Variants in ERCC5 observed in about 807,000 individuals in gnomAD.
The protein encoded by ERCC5 is DNA excision repair protein ERCC-5.
In ERCC5, 68 loss-of-function variants were observed where a neutral mutation model predicts 105.6. That is an observed-to-expected ratio of 0.64 (90% CI 0.53 to 0.79). ERCC5 has a LOEUF of 0.79. Ranked by LOEUF, ERCC5 falls within the 30% of genes least tolerant of loss-of-function variation. The pLI, the probability that ERCC5 is intolerant of heterozygous loss-of-function variation, is 0.00. For missense variants in ERCC5, 1,373 were observed against 1,426.7 expected, an observed-to-expected ratio of 0.96 and a Z score of 0.61; for synonymous variants, 546 against 526.2, an observed-to-expected ratio of 1.04 and a Z score of -0.51.
intron 6 of ERCC5, 96 bp downstream of exon 6, chr13:102,858,514 G>C (rs1031417172): frequency 6.5e-7 from 1 of 1,533,316 alleles, no homozygotes; most frequent in African/African-American, 1.4e-5. Flanking sequence ...ATACTTACAC[G>C]ATATCTCAGT....
In ERCC5 at chr13:102,861,606, C is replaced by T. The variant is rs143523137; in HGVS notation, c.772C>T (p.His258Tyr). Residue 258 changes from histidine to tyrosine, a missense_variant, in exon 7 of 15, where the codon CAT (histidine) becomes TAT (tyrosine). This residue lies in a region of ERCC5 where 1,004 missense variants were observed against 1,059.7 expected (regional missense o/e 0.95). Transcript: ENST00000652225. The stretch of plus-strand genomic sequence containing the variant: ...TGTCCAAAAGGAAATGAATCAGCAA[C>T]ATTCAGGACACATCCGAAGGCAGTA... ...EHVQKEMNQQ[H>Y]SGHIRRQYED... The T allele has an allele frequency of 2.5e-6, 4 of 1,614,128 alleles. No individual in the cohort carries two copies. The highest frequency in any genetic ancestry group is 3.4e-6 in the Non-Finnish European group (4 of 1,180,008).
intron 1 of ERCC5, 36 bp downstream of exon 1, chr13:102,846,390 G>A: frequency 6.3e-7 from 1 of 1,578,478 alleles, no homozygotes; most frequent in South Asian, 1.1e-5. Context: ...TGGGGTGCAG[G>A]GATTCGGGGC....
chr13:102,871,523 A>G (rs1883033745), intron 12 of ERCC5, among the ~76,000 whole-genome samples: 1 of 152,158 alleles, frequency 6.6e-6, no homozygotes, highest in African/African-American at 2.4e-5. Flanking sequence ...TACTTTTCTC[A>G]TATATGTGTT....
chr13:102,872,253 A>T lies in ERCC5; in HGVS notation c.2734A>T (p.Thr912Ser). The T allele has an allele frequency of 6.2e-7, 1 of 1,613,906 alleles. No individual in the cohort carries two copies. Among genetic ancestry groups the T allele is most frequent in the South Asian group, 1.1e-5 (1 of 91,044 alleles). ...AAAGATAAGACCTAATCCTCATGACACCAAAGTGAAAAAAAAATTACGGAC... is the reference window on the plus strand; with the variant it reads ...AAAGATAAGACCTAATCCTCATGACTCCAAAGTGAAAAAAAAATTACGGAC... The part of the protein sequence containing the change: ...NPKIRPNPHD[T>S]KVKKKLRTLQ... The change falls in exon 13 of 15, where the codon ACC becomes TCC. Residue 912 changes from threonine (T) to serine (S), a missense_variant. Physicochemically the swap from Thr to Ser is moderately conservative, Grantham distance 58. Transcript: ENST00000652225.
chr13:102,853,256 G>T (rs1200932421), intron 2 of ERCC5, among the ~76,000 whole-genome samples: 1 of 152,152 alleles, frequency 6.6e-6, no homozygotes, highest in African/African-American at 2.4e-5. Flanking sequence ...TCAGCCATAA[G>T]CACAGGGACT....
At position 102,862,468 on chromosome 13, in the gene ERCC5, T is replaced by C. The variant is rs1882668111; in HGVS notation, c.1319T>C (p.Ile440Thr). 1 of 1,613,662 alleles carries C rather than the reference T, an allele frequency of 6.2e-7. No homozygotes were observed. Among genetic ancestry groups the C allele is most frequent in the Non-Finnish European group, 8.5e-7 (1 of 1,179,992 alleles). The change falls in exon 8 of 15, where the codon ATA becomes ACA. Residue 440 changes from isoleucine (I) to threonine (T), a missense_variant. Ile to Thr is a moderately conservative substitution (Grantham distance 89). Around this residue, in one of 3 missense-constraint regions of ERCC5, gnomAD observed 1,004 missense variants for 1,059.7 expected, o/e 0.95. Coordinates refer to ENST00000652225, the MANE Select transcript of ERCC5 (RefSeq NM_000123.4). Reference protein sequence around the residue: ...EGLKVRDGKGIPFTATLASSS... With the variant: ...EGLKVRDGKGTPFTATLASSS... ...CTTAAAGTGAGAGATGGAAAAGGAA[T>C]ACCGTTTACTGCAACACTTGCGTCA...
chr13:102,860,320 A>G (rs912080244), intron 6 of ERCC5, among the ~76,000 whole-genome samples: 1 of 152,234 alleles, frequency 6.6e-6, no homozygotes, highest in Non-Finnish European at 1.5e-5. Context: ...TATCTGTGAT[A>G]TTGTGAAGAA....
At chr13:102,858,449 G>C in intron 6 of ERCC5, 31 bp downstream of exon 6, 1 of 1,613,850 alleles carries the variant, frequency 6.2e-7, no homozygotes, top group Non-Finnish European at 8.5e-7. Flanking sequence ...TTCATGCTTA[G>C]AATTAAGAAC....
chr13:102,862,973 T>C lies in ERCC5; in HGVS notation c.1824T>C (p.Ala608=), dbSNP rs972461002. Residue 608 remains alanine (A), a synonymous_variant, in exon 8 of 15, where the codon GCT becomes GCC. Transcript: ENST00000652225. The part of the protein sequence containing the change: ...DNVENVVSFN[A]KEHENFLETI... ...TGGAAAATGTGGTGTCATTTAATGC[T>C]AAAGAGCATGAGAATTTTCTGGAAA... is the stretch of plus-strand genomic sequence containing the variant. 24 of 1,614,118 alleles carry C rather than the reference T, an allele frequency of 1.5e-5. No individual in the cohort carries two copies. The highest frequency in any genetic ancestry group is 1.9e-5 in the Non-Finnish European group (23 of 1,180,052).
intron 4 of ERCC5, among the ~76,000 whole-genome samples, chr13:102,855,802 A>C (rs1213555020): frequency 6.6e-6 from 1 of 152,116 alleles, no homozygotes; most frequent in Non-Finnish European, 1.5e-5. Flanking sequence ...TGTGACTCCT[A>C]AATTGGGTGA....
chr13:102,872,142 T>C (rs543796485), intron 12 of ERCC5, 56 bp from the exon 13 acceptor site: 2 of 1,579,418 alleles, frequency 1.3e-6, no homozygotes, highest in Admixed American at 1.8e-5. Context: ...TCATCCATAG[T>C]GTATGAACTA....
intron 9 of ERCC5, 95 bp from the exon 10 acceptor site, chr13:102,866,167 A>G: frequency 1.3e-6 from 2 of 1,569,546 alleles, no homozygotes; most frequent in Non-Finnish European, 1.7e-6. Flanking sequence ...GAAAGAGCTT[A>G]TTGGTAATTT....
chr13:102,863,147 C>T (rs1395731661), intron 8 of ERCC5, 44 bp downstream of exon 8: 2 of 1,595,380 alleles, frequency 1.3e-6, no homozygotes, highest in Admixed American at 3.4e-5. Flanking sequence ...GGTAGGATTT[C>T]CCCTCTGTAG....
At chr13:102,849,332 T>A (rs777565896) in intron 1 of ERCC5, 44 of 519,008 alleles carry the variant, frequency 8.5e-5, no homozygotes, top group South Asian at 5.7e-4. Flanking sequence ...TAAATCATGT[T>A]CTAGAAACTT....
chr13:102,863,982 A>G (rs1314010237), intron 8 of ERCC5, among the ~76,000 whole-genome samples: 1 of 152,170 alleles, frequency 6.6e-6, no homozygotes, highest in African/African-American at 2.4e-5. Context: ...AAGATAATAT[A>G]TATGAAATGT....
chr13:102,875,566 T>A lies in ERCC5; in HGVS notation c.3224T>A (p.Leu1075His). 6.2e-7 allele frequency: 1 copy of A among 1,612,768 alleles called. No individual in the cohort carries two copies. The highest frequency in any genetic ancestry group is 8.5e-7 in the Non-Finnish European group (1 of 1,179,510). The change falls in exon 15 of 15, where the codon CTT (leucine) becomes CAT (histidine). Residue 1075 changes from leucine to histidine, a missense_variant. Leu to His is a moderately conservative substitution (Grantham distance 99). Transcript: ENST00000652225. ...TCATCAAGCCTGAAAAGAAAGAGGC[T>A]TTCAGATTCTAAAGGAAAGAATACA... ...EESSSLKRKR[L>H]SDSKGKNTCG... is the part of the protein sequence containing the mutation.
In ERCC5 at chr13:102,872,402, T is replaced by A; in HGVS notation, c.2879+4T>A. On this transcript the variant is annotated splice_donor_region_variant and intron_variant, in intron 13 of 14. Coordinates refer to ENST00000652225, the MANE Select transcript of ERCC5 (RefSeq NM_000123.4). ...CTGATCTCGACAAAATTAGAGAATATCCTTTGCTTCTTAAAAGAGAAGGAA... is the reference window on the plus strand; with the variant it reads ...CTGATCTCGACAAAATTAGAGAATAACCTTTGCTTCTTAAAAGAGAAGGAA... The A allele has an allele frequency of 1.9e-6, 3 of 1,614,168 alleles. No individual in the cohort carries two copies. The highest frequency in any genetic ancestry group is 1.7e-6 in the Non-Finnish European group (2 of 1,180,010).
At chr13:102,861,397 T>C (rs1226075030) in intron 6 of ERCC5, 110 bp from the exon 7 acceptor site, 1 of 1,196,598 alleles carries the variant, frequency 8.4e-7, no homozygotes, top group Admixed American at 2.2e-5. Context: ...CTACCATCAA[T>C]GAAAAAAGCC....
rs145649742 is a variant in ERCC5, at chr13:102,875,771, G to A, written c.3429G>A (p.Ala1143=). 32 of 1,614,076 alleles carry A rather than the reference G, an allele frequency of 2.0e-5. No individual in the cohort carries two copies. The highest frequency in any genetic ancestry group is 1.2e-4 in the South Asian group (11 of 91,064). The change falls in exon 15 of 15, where the codon GCG becomes GCA. Residue 1143 remains alanine (A), a synonymous_variant. Transcript: ENST00000652225. ...VKEAPVKNGG[A]TTSSSSDSDD... Reference sequence around the variant, plus strand: ...AAGCTCCCGTGAAGAATGGAGGTGCGACCACCAGCAGCTCTAGTGATAGTG... The same window carrying A: ...AAGCTCCCGTGAAGAATGGAGGTGCAACCACCAGCAGCTCTAGTGATAGTG...
Sources: allele counts gnomAD v4.1 joint callset (sites outside exome capture counted in the v4.1 genomes callset), GRCh38; gene constraint gnomAD v4.1.1; regional missense constraint gnomAD v4.1.1; transcripts MANE v1.5; gene names NCBI Gene and HGNC (gene_info 2026-07-23, HGNC 2026-07-21).